PMFBP1: variants seen among roughly 807,000 people sequenced by gnomAD.
PMFBP1 encodes the protein polyamine-modulated factor 1-binding protein 1.
Under a neutral mutation model 137.8 loss-of-function variants are expected in PMFBP1, and 131 were observed. That is an observed-to-expected ratio of 0.95 (90% CI 0.82 to 1.10). PMFBP1 has a LOEUF of 1.10. Among genes scored for constraint, PMFBP1 ranks in the 50% least tolerant of loss-of-function variants. PMFBP1 has a pLI of 0.00. For synonymous variants in PMFBP1, 490 were observed against 450.4 expected (o/e 1.09, Z -1.11); for missense variants, 1,199 against 1,175.4 (o/e 1.02, Z -0.29).
intron 2 of PMFBP1, among the ~76,000 whole-genome samples, chr16:72,170,894 T>C (rs778261071): frequency 2.9e-4 from 44 of 152,170 alleles, no homozygotes; most frequent in Non-Finnish European, 5.0e-4. Context: ...GAATAGGTGA[T>C]CATCATTCAT....
At chr16:72,186,053 A>G in the PMFBP1 span, among the ~76,000 whole-genome samples, 1 of 152,220 alleles carries the variant, frequency 6.6e-6, no homozygotes, top group Non-Finnish European at 1.5e-5. Context: ...GGACAGAGCT[A>G]GGAGGGGTCC....
the PMFBP1 span, among the ~76,000 whole-genome samples, chr16:72,246,685 C>A: frequency 6.6e-6 from 1 of 151,930 alleles, no homozygotes; most frequent in Non-Finnish European, 1.5e-5. Context: ...ATGGTTAGAA[C>A]GCTCGCTGTA....
chr16:72,131,907 G>A (rs775724267), intron 10 of PMFBP1, among the ~76,000 whole-genome samples: 25 of 152,274 alleles, frequency 1.6e-4, no homozygotes, highest in South Asian at 6.2e-4. Flanking sequence ...GTGCACTGGC[G>A]TAATCTCAGC....
chr16:72,221,637 T>C, the PMFBP1 span, among the ~76,000 whole-genome samples: 1 of 152,106 alleles, frequency 6.6e-6, no homozygotes, highest in African/African-American at 2.4e-5. Context: ...GTACCTACTC[T>C]CGGGAAGGAT....
At chr16:72,239,044 CA>C in the PMFBP1 span, among the ~76,000 whole-genome samples, 4 of 152,004 alleles carry the variant, frequency 2.6e-5, no homozygotes, top group African/African-American at 4.8e-5. Flanking sequence ...AGGGATTTTG[CA>C]AAAAGTAAGG....
At chr16:72,193,796 G>A in the PMFBP1 span, among the ~76,000 whole-genome samples, 65 of 151,168 alleles carry the variant, frequency 4.3e-4, no homozygotes, top group African/African-American at 1.5e-3. Context: ...TCAAACATCT[G>A]TATTACCCCA....
At chr16:72,240,597 T>A in the PMFBP1 span, among the ~76,000 whole-genome samples, 2 of 152,230 alleles carry the variant, frequency 1.3e-5, no homozygotes, top group South Asian at 2.1e-4. Flanking sequence ...TTTTATTTTT[T>A]CATTGTGACA....
At chr16:72,137,611 G>T (rs2042652342) in intron 7 of PMFBP1, among the ~76,000 whole-genome samples, 1 of 152,176 alleles carries the variant, frequency 6.6e-6, no homozygotes, top group Admixed American at 6.5e-5. Flanking sequence ...AGTGCGGCTG[G>T]CACGGAGCAG....
At chr16:72,249,808 T>C in the PMFBP1 span, among the ~76,000 whole-genome samples, 2 of 148,944 alleles carry the variant, frequency 1.3e-5, no homozygotes, top group African/African-American at 2.5e-5. Flanking sequence ...GTAGTCCCAG[T>C]TGCTCAGGAG....
upstream of PMFBP1, among the ~76,000 whole-genome samples, chr16:72,179,926 T>G (rs2043270662): frequency 6.6e-6 from 1 of 152,216 alleles, no homozygotes; most frequent in South Asian, 2.1e-4. Flanking sequence ...AAGCTGGTGC[T>G]GCTGGCACCA....
At chr16:72,183,162 C>T in the PMFBP1 span, among the ~76,000 whole-genome samples, 2 of 152,208 alleles carry the variant, frequency 1.3e-5, no homozygotes, top group African/African-American at 2.4e-5. Flanking sequence ...CAGCTTTATG[C>T]CTAGTTCCTC....
At chr16:72,175,706 C>T (rs2043256744), upstream of PMFBP1, among the ~76,000 whole-genome samples, 1 of 152,208 alleles carries the variant, frequency 6.6e-6, no homozygotes, top group African/African-American at 2.4e-5. Flanking sequence ...CTTACCTATA[C>T]TAAGCCATAA....
chr16:72,174,883 A>G (rs2043252217), upstream of PMFBP1, among the ~76,000 whole-genome samples: 3 of 152,206 alleles, frequency 2.0e-5, no homozygotes, highest in Non-Finnish European at 4.4e-5. Context: ...AAGATGACAC[A>G]GCCAAACCAT....
chr16:72,245,190 CTAAA>C, the PMFBP1 span, among the ~76,000 whole-genome samples: 3 of 150,962 alleles, frequency 2.0e-5, no homozygotes, highest in African/African-American at 7.3e-5. Context: ...AGACAGAAAA[CTAAA>C]TAACAATAAC....
intron 5 of PMFBP1, among the ~76,000 whole-genome samples, chr16:72,149,169 T>C (rs530694201): frequency 2.0e-5 from 3 of 152,336 alleles, no homozygotes; most frequent in Admixed American, 1.3e-4. Flanking sequence ...AACCTGTGAC[T>C]ATTAGAACTA....
chr16:72,148,224 C>A (rs2042843205), intron 5 of PMFBP1, among the ~76,000 whole-genome samples: 1 of 152,084 alleles, frequency 6.6e-6, no homozygotes, highest in Non-Finnish European at 1.5e-5. Context: ...TTTGCAGGTA[C>A]ATGGATGAAA....
At chr16:72,121,012 A>T (rs541237058) in intron 19 of PMFBP1, among the ~76,000 whole-genome samples, 3 of 152,310 alleles carry the variant, frequency 2.0e-5, no homozygotes, top group Admixed American at 2.0e-4. Context: ...TTTTCTTTCA[A>T]ATAAGAACAG....
At chr16:72,156,484 G>C (rs985616663) in intron 3 of PMFBP1, among the ~76,000 whole-genome samples, 1 of 152,014 alleles carries the variant, frequency 6.6e-6, no homozygotes, top group African/African-American at 2.4e-5. Flanking sequence ...GCCAGGCGTG[G>C]TGGCGGGCGC....
chr16:72,128,509 G>A (rs2042495649), intron 14 of PMFBP1, 148 bp downstream of exon 14: 1 of 1,555,974 alleles, frequency 6.4e-7, no homozygotes. Flanking sequence ...TGCCAATGGG[G>A]AGGGAAGTAG....
Sources: gnomAD v4.1 joint callset for allele counts (sites outside exome capture counted in the v4.1 genomes callset) on GRCh38, gnomAD v4.1.1 for gene constraint, MANE v1.5 for transcripts, NCBI Gene and HGNC (gene_info 2026-07-23, HGNC 2026-07-21) for gene names.